The following PIP4K2B variants were observed in gnomAD, a reference collection of about 807,000 sequenced individuals.
PIP4K2B encodes phosphatidylinositol 5-phosphate 4-kinase type-2 beta.
A neutral mutation model predicts 42.0 loss-of-function variants in PIP4K2B; 3 were observed. The observed-to-expected ratio is 0.07, with a 90% confidence interval of 0.03 to 0.18. The LOEUF (loss-of-function observed/expected upper bound fraction) is 0.18. PIP4K2B is among the 10% of genes least tolerant of loss of function. PIP4K2B has a pLI of 1.00. For missense variants in PIP4K2B, 332 were observed against 562.3 expected, an observed-to-expected ratio of 0.59 and a Z score of 4.14; for synonymous variants, 204 against 210.1, an observed-to-expected ratio of 0.97 and a Z score of 0.25.
At chr17:38,787,279 T>C (rs552070152) in intron 1 of PIP4K2B, among the ~76,000 whole-genome samples, 2 of 152,322 alleles carry the variant, frequency 1.3e-5, no homozygotes, top group East Asian at 3.9e-4. Flanking sequence ...TCCCAAATTA[T>C]TGGGATTACA....
chr17:38,798,741 G>A (rs889733099), intron 1 of PIP4K2B, among the ~76,000 whole-genome samples: 3 of 152,176 alleles, frequency 2.0e-5, no homozygotes, highest in Non-Finnish European at 4.4e-5. Context: ...GAAAAAAAAG[G>A]AAACCCAGGG....
At chr17:38,784,753 T>G (rs1018846345) in intron 2 of PIP4K2B, among the ~76,000 whole-genome samples, 1 of 152,216 alleles carries the variant, frequency 6.6e-6, no homozygotes, top group Non-Finnish European at 1.5e-5. Flanking sequence ...TAACTGGTAT[T>G]TGTGCGATTT....
At chr17:38,773,137 A>G (rs1020891974) in intron 7 of PIP4K2B, among the ~76,000 whole-genome samples, 1 of 152,182 alleles carries the variant, frequency 6.6e-6, no homozygotes, top group African/African-American at 2.4e-5. Context: ...AGAATACATG[A>G]CAGAAAATAA....
chr17:38,775,684 C>T (rs1221385850), intron 7 of PIP4K2B, among the ~76,000 whole-genome samples: 1 of 151,960 alleles, frequency 6.6e-6, no homozygotes, highest in African/African-American at 2.4e-5. Flanking sequence ...GGTGAAACCC[C>T]GTCTCCACTA....
intron 4 of PIP4K2B, among the ~76,000 whole-genome samples, chr17:38,780,168 C>T (rs1302399513): frequency 1.3e-5 from 2 of 152,182 alleles, no homozygotes; most frequent in Admixed American, 1.3e-4. Flanking sequence ...ACAAGCCTGC[C>T]GAGCTGAGGG....
In PIP4K2B at chr17:38,784,336, C is replaced by A; in HGVS notation, c.261G>T (p.Glu87Asp). The change falls in exon 3 of 10, where the codon GAG becomes GAT. Residue 87 changes from glutamate to aspartate, a missense_variant. Physicochemically the swap from Glu to Asp is conservative, Grantham distance 45. Around this residue, in one of 6 missense-constraint regions of PIP4K2B, gnomAD observed 186 missense variants for 288.4 expected, o/e 0.64. Transcript: ENST00000619039. ...TAAACTTAAAGCGGCTGGGCAGGTT[C>A]TCCCTAGGGAAAAGCAGAGATATGT... is the stretch of plus-strand genomic sequence containing the variant. Reference protein sequence around the residue: ...IKVDNHLFNKENLPSRFKFKE... With the variant: ...IKVDNHLFNKDNLPSRFKFKE... The A allele has an allele frequency of 6.2e-7, 1 of 1,602,102 alleles. No individual in the cohort carries two copies. Among genetic ancestry groups the A allele is most frequent in the Non-Finnish European group, 8.6e-7 (1 of 1,169,204 alleles).
chr17:38,779,139 A>C (rs1177646058), intron 5 of PIP4K2B, among the ~76,000 whole-genome samples: 1 of 152,220 alleles, frequency 6.6e-6, no homozygotes, highest in African/African-American at 2.4e-5. Context: ...TGCACATTCC[A>C]CAGACAGGAA....
In PIP4K2B at chr17:38,768,128, C is replaced by T. The variant is rs771719723; in HGVS notation, c.*1563G>A. On this transcript the variant is annotated 3_prime_UTR_variant, in exon 10 of 10. Transcript: ENST00000619039. Reference sequence around the variant, plus strand: ...AATCTATTCATTCAAAATGGTTTCACAAGCGATCTTCACATCTTTGGGGTT... The same window carrying T: ...AATCTATTCATTCAAAATGGTTTCATAAGCGATCTTCACATCTTTGGGGTT... 2.6e-5 allele frequency: 4 copies of T among 152,252 alleles called. No homozygotes were observed. Among genetic ancestry groups the T allele is most frequent in the Non-Finnish European group, 5.9e-5 (4 of 68,060 alleles). 9.4% of individuals were successfully genotyped at this position (152,252 alleles called of 1,614,324 possible).
intron 1 of PIP4K2B, among the ~76,000 whole-genome samples, chr17:38,790,406 G>C (rs1910281323): frequency 6.6e-6 from 1 of 152,208 alleles, no homozygotes; most frequent in Non-Finnish European, 1.5e-5. Flanking sequence ...TCAGGGCTCG[G>C]CTGGGCGCAG....
chr17:38,789,630 C>A (rs1007415887), intron 1 of PIP4K2B, among the ~76,000 whole-genome samples: 1 of 152,074 alleles, frequency 6.6e-6, no homozygotes, highest in East Asian at 1.9e-4. Flanking sequence ...TGTTACAAAC[C>A]TTTTTTATTT....
chr17:38,796,289 G>GCCACTTTAGAGAA (rs1910659509), intron 1 of PIP4K2B, among the ~76,000 whole-genome samples: 1 of 152,212 alleles, frequency 6.6e-6, no homozygotes, highest in African/African-American at 2.4e-5. Flanking sequence ...AAATGGTACA[G>GCCACTTTAGAGAA]CCACTTTAGA....
chr17:38,791,866 G>A (rs895430202), intron 1 of PIP4K2B, among the ~76,000 whole-genome samples: 6 of 150,884 alleles, frequency 4.0e-5, no homozygotes, highest in Non-Finnish European at 8.9e-5. Flanking sequence ...GAGGCGGGCG[G>A]ATCATGAGGT....
intron 1 of PIP4K2B, among the ~76,000 whole-genome samples, chr17:38,787,671 G>T (rs897845072): frequency 1.3e-5 from 2 of 152,174 alleles, no homozygotes; most frequent in Non-Finnish European, 2.9e-5. Flanking sequence ...TCAGCTCACT[G>T]CAATCTCCAC....
intron 7 of PIP4K2B, chr17:38,775,934 C>T: frequency 2.3e-6 from 1 of 433,548 alleles, no homozygotes; most frequent in Non-Finnish European, 4.5e-6. Context: ...AGACATTATG[C>T]TAAGCAAAAT....
rs557250230 is a variant in PIP4K2B at position 38,791,556 on chromosome 17, T to G, written c.160-4636A>C. ...TCCTGAGTAGCTCGGATTATAGGCA[T>G]GCACCACCATGCCCGGCTAATTTTG... is the stretch of plus-strand genomic sequence containing the variant. On this transcript the variant is annotated intron_variant, in intron 1 of 9. Transcript: ENST00000619039. Among the ~76,000 whole-genome samples, 6 of 151,182 alleles carry G rather than the reference T, an allele frequency of 4.0e-5. No homozygotes were observed. The East Asian group carries it at 1.2e-3, about 30-fold the overall frequency.
In PIP4K2B at chr17:38,769,719, T is replaced by C. The variant is rs1567650761; in HGVS notation, c.1223A>G (p.Asn408Ser). ...VNPEQYSKRF[N>S]EFMSNILT ...CGTCAGGATGTTGGACATAAACTCG[T>C]TGAAGCGTTTGGAGTACTGCTCAGG... The change falls in exon 10 of 10, where the codon AAC (asparagine) becomes AGC (serine). Residue 408 changes from asparagine (N) to serine (S), a missense_variant. Physicochemically the swap from Asn to Ser is conservative, Grantham distance 46. Transcript: ENST00000619039. 2 of 1,606,456 alleles carry C rather than the reference T, an allele frequency of 1.2e-6. No individual in the cohort carries two copies. The highest frequency in any genetic ancestry group is 1.7e-6 in the Non-Finnish European group (2 of 1,173,020).
chr17:38,778,324 A>G lies in PIP4K2B; in HGVS notation c.693+10T>C. ...AGCGACCCTTCCATTCCTGCTCAGCACCAGCATACCTTCTCCTTGTCGCTC... is the reference window on the plus strand; with the variant it reads ...AGCGACCCTTCCATTCCTGCTCAGCGCCAGCATACCTTCTCCTTGTCGCTC... On this transcript the variant is annotated intron_variant, in intron 6 of 9. Transcript: ENST00000619039. 6.2e-7 allele frequency: 1 copy of G among 1,613,822 alleles called. No individual in the cohort carries two copies. The highest frequency in any genetic ancestry group is 8.5e-7 in the Non-Finnish European group (1 of 1,179,720).
At chr17:38,779,007 G>A (rs574458540) in intron 5 of PIP4K2B, among the ~76,000 whole-genome samples, 1 of 152,294 alleles carries the variant, frequency 6.6e-6, no homozygotes, top group South Asian at 2.1e-4. Flanking sequence ...CAAGAACACG[G>A]AGCACCCTAG....
chr17:38,796,087 G>A (rs1164530796), intron 1 of PIP4K2B, among the ~76,000 whole-genome samples: 5 of 152,106 alleles, frequency 3.3e-5, no homozygotes, highest in African/African-American at 9.7e-5. Context: ...GCGGTGAGCC[G>A]AGATTGCACC....
Sources: allele counts gnomAD v4.1 joint callset (sites outside exome capture counted in the v4.1 genomes callset), GRCh38; gene constraint gnomAD v4.1.1; regional missense constraint gnomAD v4.1.1; transcripts MANE v1.5; gene names NCBI Gene and HGNC (gene_info 2026-07-23, HGNC 2026-07-21).